The following PDZD2 variants were observed in gnomAD, a reference collection of about 807,000 sequenced individuals.
The protein encoded by PDZD2 is PDZ domain containing 2.
Under a neutral mutation model 220.7 loss-of-function variants are expected in PDZD2, and 90 were observed. The ratio of observed to expected loss-of-function variants is 0.41; its 90% confidence interval spans 0.34 to 0.49. PDZD2 has a LOEUF of 0.49. PDZD2 is among the 20% of genes least tolerant of loss of function. The pLI, the probability that PDZD2 is intolerant of heterozygous loss-of-function variation, is 0.28. For missense variants in PDZD2, 3,174 were observed against 3,608.5 expected (o/e 0.88, Z 3.08); for synonymous variants, 1,375 against 1,450.5 (o/e 0.95, Z 1.18).
intron 24 of PDZD2, among the ~76,000 whole-genome samples, chr5:32,107,643 T>G (rs1744910958): frequency 6.6e-6 from 1 of 152,202 alleles, no homozygotes; most frequent in Admixed American, 6.5e-5. Flanking sequence ...CAACTTTATT[T>G]TGTGTTATTC....
chr5:31,664,655 A>G (rs1745912733), intron 1 of PDZD2, among the ~76,000 whole-genome samples: 3 of 152,196 alleles, frequency 2.0e-5, no homozygotes, highest in South Asian at 2.1e-4. Flanking sequence ...GTTCCCCAGC[A>G]TGGGTGTCAT....
In PDZD2 at chr5:32,020,654, CT is replaced by C. The variant is rs571535958; in HGVS notation, c.1407+10182del. ...ATGACAAAATGATCTTTTTTTTTTT[CT>C]TTTTTTTTTGAGACAGAGTCTCACT... On this transcript the variant is annotated intron_variant, in intron 6 of 24. Coordinates refer to ENST00000438447, the MANE Select transcript of PDZD2 (RefSeq NM_178140.4). Among the ~76,000 whole-genome samples the C allele has an allele frequency of 3.0e-5, 4 of 133,172 alleles. No homozygotes were observed. In the East Asian group the frequency reaches 8.6e-4, roughly 29 times the overall value. The allele number at this position is 133,172 out of a possible 152,430, so 87.4% of individuals were successfully genotyped here.
intron 3 of PDZD2, among the ~76,000 whole-genome samples, chr5:31,990,227 G>A (rs113492980): frequency 2.0e-5 from 3 of 152,288 alleles, no homozygotes; most frequent in African/African-American, 7.2e-5. Flanking sequence ...GCAGTAATGA[G>A]GTCATTTAAA....
intron 2 of PDZD2, among the ~76,000 whole-genome samples, chr5:31,846,278 C>A (rs1051285553): frequency 1.3e-5 from 2 of 152,178 alleles, no homozygotes; most frequent in East Asian, 1.9e-4. Flanking sequence ...GGATTACAGG[C>A]GTGCACCACT....
chr5:31,747,271 C>T (rs1019926704), intron 1 of PDZD2, among the ~76,000 whole-genome samples: 3 of 152,154 alleles, frequency 2.0e-5, no homozygotes, highest in Non-Finnish European at 2.9e-5. Context: ...TTGTGCTTGG[C>T]TTTCGTGAAG....
At position 31,710,731 on chromosome 5, in the gene PDZD2, G is replaced by A. The variant is rs376210255; in HGVS notation, c.-361+71294G>A. Among the ~76,000 whole-genome samples, 8 of 151,776 alleles carry A rather than the reference G, an allele frequency of 5.3e-5. No individual in the cohort carries two copies. The East Asian group carries it at 5.8e-4, about 11-fold the overall frequency. On this transcript the variant is annotated intron_variant, in intron 1 of 24. Coordinates refer to ENST00000438447, the MANE Select transcript of PDZD2 (RefSeq NM_178140.4). Reference sequence around the variant, plus strand: ...ACTCAGAGGCTGAGGCAGGAGAATCGCTTGAACCTGGGAGGTGGAGGTTGC... The same window carrying A: ...ACTCAGAGGCTGAGGCAGGAGAATCACTTGAACCTGGGAGGTGGAGGTTGC...
At chr5:31,948,213 C>T (rs985185745) in intron 2 of PDZD2, among the ~76,000 whole-genome samples, 14 of 152,144 alleles carry the variant, frequency 9.2e-5, no homozygotes, top group African/African-American at 2.2e-4. Flanking sequence ...GGCTTTCCAG[C>T]TATGCTCCAG....
chr5:31,805,970 C>A (rs1302509964), intron 2 of PDZD2, among the ~76,000 whole-genome samples: 2 of 152,176 alleles, frequency 1.3e-5, no homozygotes, highest in African/African-American at 2.4e-5. Context: ...CCTCTCCAAA[C>A]TAGGGGAGCT....
At chr5:31,905,779 A>G (rs1295085966) in intron 2 of PDZD2, among the ~76,000 whole-genome samples, 2 of 152,162 alleles carry the variant, frequency 1.3e-5, no homozygotes, top group African/African-American at 4.8e-5. Flanking sequence ...CAACCCATTC[A>G]GAGCCTGGAG....
At chr5:32,013,467 A>T (rs1223991786) in intron 6 of PDZD2, among the ~76,000 whole-genome samples, 4 of 152,086 alleles carry the variant, frequency 2.6e-5, no homozygotes, top group Non-Finnish European at 5.9e-5. Context: ...ATCTTTAGAA[A>T]AGTTTACCAA....
chr5:31,894,724 G>T (rs1741381836), intron 2 of PDZD2, among the ~76,000 whole-genome samples: 1 of 152,180 alleles, frequency 6.6e-6, no homozygotes, highest in South Asian at 2.1e-4. Context: ...GACCTGAAGG[G>T]TTGAAAGATA....
At chr5:31,848,877 G>T (rs536857976) in intron 2 of PDZD2, among the ~76,000 whole-genome samples, 11 of 152,156 alleles carry the variant, frequency 7.2e-5, no homozygotes, top group Admixed American at 5.9e-4. Context: ...GTGAAACCCC[G>T]TCTCTACTAA....
At chr5:32,104,712 CATCTAA>C (rs1744572285) in intron 24 of PDZD2, among the ~76,000 whole-genome samples, 1 of 73,024 alleles carries the variant, frequency 1.4e-5, no homozygotes, top group Non-Finnish European at 2.4e-5. Context: ...GAGAAGGCTC[CATCTAA>C]AAAAAAAAAA....
intron 2 of PDZD2, among the ~76,000 whole-genome samples, chr5:31,869,433 G>A (rs1464165267): frequency 6.6e-6 from 1 of 152,058 alleles, no homozygotes; most frequent in Admixed American, 6.6e-5. Context: ...CGTGGTGGCG[G>A]GCGCCTGTAG....
intron 5 of PDZD2, among the ~76,000 whole-genome samples, chr5:32,002,704 AAC>A (rs1214948544): frequency 1.8e-5 from 2 of 108,964 alleles, no homozygotes; most frequent in African/African-American, 7.3e-5. Flanking sequence ...ACACACCACC[AAC>A]ACACACACCC....
At chr5:31,800,792 A>C (rs567945910) in intron 2 of PDZD2, among the ~76,000 whole-genome samples, 61 of 152,318 alleles carry the variant, frequency 4.0e-4, no homozygotes, top group African/African-American at 1.5e-3. Flanking sequence ...GAATTTTGTC[A>C]AGCTTTCAGG....
rs751086010 is a variant in PDZD2, at chr5:32,089,248, C to T, written c.5800C>T (p.Arg1934Trp). 33 of 1,614,036 alleles carry T rather than the reference C, an allele frequency of 2.0e-5. No individual in the cohort carries two copies. The highest frequency in any genetic ancestry group is 1.6e-4 in the Middle Eastern group (1 of 6,084). The change falls in exon 20 of 25, where the codon CGG becomes TGG. Residue 1934 changes from arginine (R) to tryptophan (W), a missense_variant. By Grantham distance (101) the Arg-to-Trp change is moderately radical. Coordinates refer to ENST00000438447, the MANE Select transcript of PDZD2 (RefSeq NM_178140.4). ...AACACTTTCTAAGGCAGTGTCACAG[C>T]GGCTCCATGTAGCCGACCACGAGGA... ...HKTLSKAVSQ[R>W]LHVADHEDPD... is the part of the protein sequence containing the mutation.
intron 2 of PDZD2, chr5:31,840,442 A>ATTTATTTATT (rs1241268202): frequency 1.7e-5 from 1 of 59,254 alleles, no homozygotes; most frequent in African/African-American, 6.7e-5. Context: ...ATATATATAT[A>ATTTATTTATT]TATATATTTG....
At chr5:31,657,508 A>G (rs907776594) in intron 1 of PDZD2, 1 of 152,162 alleles carries the variant, frequency 6.6e-6, no homozygotes, top group African/African-American at 2.4e-5. Flanking sequence ...AAACACAGTG[A>G]CCTCATTTCA....
Sources: gnomAD v4.1 joint callset for allele counts (sites outside exome capture counted in the v4.1 genomes callset) on GRCh38, gnomAD v4.1.1 for gene constraint, MANE v1.5 for transcripts, NCBI Gene and HGNC (gene_info 2026-07-23, HGNC 2026-07-21) for gene names.